Variants in ME3 observed in about 807,000 individuals in gnomAD.
The protein encoded by ME3 is NADP-dependent malic enzyme, mitochondrial.
In ME3, 48 loss-of-function variants were observed where a neutral mutation model predicts 68.9. The ratio of observed to expected loss-of-function variants is 0.70; its 90% CI spans 0.55 to 0.89. The LOEUF is 0.89. ME3 is among the 40% of genes least tolerant of loss of function. ME3 has a pLI of 0.00. For synonymous variants in ME3, 320 were observed against 318.8 expected, an observed-to-expected ratio of 1.00 and a Z score of -0.04; for missense variants, 675 against 797.4, an observed-to-expected ratio of 0.85 and a Z score of 1.85.
intron 2 of ME3, among the ~76,000 whole-genome samples, chr11:86,564,459 C>G (rs1169943105): frequency 3.9e-5 from 1 of 25,872 alleles, no homozygotes; most frequent in South Asian, 2.1e-3. Flanking sequence ...TACAAAGCTA[C>G]AGGAAAAAAA....
intron 2 of ME3, among the ~76,000 whole-genome samples, chr11:86,601,529 G>C (rs1439999214): frequency 6.6e-6 from 1 of 152,094 alleles, no homozygotes; most frequent in Non-Finnish European, 1.5e-5. Flanking sequence ...GAGGTACAAG[G>C]AGGAACTGGT....
At chr11:86,666,600 T>C (rs1404989218) in intron 2 of ME3, among the ~76,000 whole-genome samples, 1 of 152,232 alleles carries the variant, frequency 6.6e-6, no homozygotes, top group Non-Finnish European at 1.5e-5. Flanking sequence ...GATTTCAACC[T>C]GCCTCTGCTA....
intron 4 of ME3, among the ~76,000 whole-genome samples, chr11:86,517,517 T>C (rs906116662): frequency 3.9e-5 from 6 of 152,168 alleles, no homozygotes; most frequent in South Asian, 2.1e-4. Context: ...TCAGTTCCAA[T>C]TTAATCAGAG....
intron 2 of ME3, among the ~76,000 whole-genome samples, chr11:86,658,342 C>G (rs546242959): frequency 1.3e-5 from 2 of 151,806 alleles, no homozygotes; most frequent in Non-Finnish European, 2.9e-5. Context: ...AGCCTGGTCT[C>G]GAACTCCTGA....
intron 2 of ME3, among the ~76,000 whole-genome samples, chr11:86,596,886 AGAT>A (rs1959570748): frequency 6.6e-6 from 1 of 152,106 alleles, no homozygotes; most frequent in East Asian, 1.9e-4. Flanking sequence ...ACCAGGTCAT[AGAT>A]GATGATGGGA....
intron 14 of ME3, among the ~76,000 whole-genome samples, chr11:86,442,583 T>C (rs2138578697): frequency 6.6e-6 from 1 of 152,214 alleles, no homozygotes; most frequent in African/African-American, 2.4e-5. Context: ...TGATGACCTT[T>C]CTGCTTGGTG....
At chr11:86,482,899 C>T (rs1951492355) in intron 7 of ME3, among the ~76,000 whole-genome samples, 3 of 152,118 alleles carry the variant, frequency 2.0e-5, no homozygotes, top group African/African-American at 7.2e-5. Flanking sequence ...AAGAATCACT[C>T]CAGCTGAGTC....
intron 10 of ME3, among the ~76,000 whole-genome samples, chr11:86,448,841 A>C (rs1248100669): frequency 6.6e-6 from 1 of 152,158 alleles, no homozygotes; most frequent in Non-Finnish European, 1.5e-5. Context: ...GATGCTTTTG[A>C]TGACTGCTTT....
intron 2 of ME3, among the ~76,000 whole-genome samples, chr11:86,573,039 A>T (rs944548253): frequency 6.6e-5 from 10 of 151,586 alleles, no homozygotes; most frequent in Non-Finnish European, 1.5e-4. Context: ...AGTGATGTTT[A>T]GCTTTTTCTC....
At chr11:86,500,889 C>T (rs1484955187) in intron 5 of ME3, among the ~76,000 whole-genome samples, 5 of 152,138 alleles carry the variant, frequency 3.3e-5, no homozygotes, top group African/African-American at 1.2e-4. Context: ...TACCACACAC[C>T]CTTCCTGTCT....
intron 2 of ME3, among the ~76,000 whole-genome samples, chr11:86,578,313 C>A (rs529228160): frequency 1.3e-5 from 2 of 152,178 alleles, no homozygotes; most frequent in South Asian, 4.1e-4. Context: ...CAGCAGAGAA[C>A]AAGGGAAGTA....
At chr11:86,626,305 G>A (rs1943660631) in intron 2 of ME3, among the ~76,000 whole-genome samples, 5 of 152,176 alleles carry the variant, frequency 3.3e-5, no homozygotes, top group Admixed American at 1.3e-4. Context: ...CTTCCTGAGC[G>A]ATTTCTGTGG....
At position 86,671,679 on chromosome 11, in the gene ME3, C is replaced by G. The variant is rs780260113; in HGVS notation, c.183+83G>C. The G allele has an allele frequency of 6.6e-5, 101 of 1,535,032 alleles. No homozygotes were observed. In the East Asian group the frequency reaches 2.6e-3, roughly 39 times the overall value. ...CGCTGGAAGGGCGCCCGGGAGGATCCTTTCTGGGTCCAGGGGGCGGGGCGC... is the reference window on the plus strand; with the variant it reads ...CGCTGGAAGGGCGCCCGGGAGGATCGTTTCTGGGTCCAGGGGGCGGGGCGC... On this transcript the variant is annotated intron_variant, in intron 2 of 14. Transcript: ENST00000543262.
At chr11:86,582,018 C>A (rs1271830369) in intron 2 of ME3, among the ~76,000 whole-genome samples, 2 of 152,260 alleles carry the variant, frequency 1.3e-5, no homozygotes, top group Non-Finnish European at 2.9e-5. Context: ...CCTTTTAGAA[C>A]TTCTGCCAGA....
chr11:86,653,718 T>G (rs1780813672), intron 2 of ME3, among the ~76,000 whole-genome samples: 1 of 152,154 alleles, frequency 6.6e-6, no homozygotes, highest in South Asian at 2.1e-4. Context: ...ATTCAAAAGC[T>G]AGCAGAAGGC....
intron 2 of ME3, among the ~76,000 whole-genome samples, chr11:86,611,615 G>T (rs971343954): frequency 7.5e-6 from 1 of 132,766 alleles, no homozygotes; most frequent in Non-Finnish European, 1.6e-5. Context: ...TGGGGGGGGG[G>T]GGAAGAAAAA....
chr11:86,569,663 C>G (rs1159391502), intron 2 of ME3, among the ~76,000 whole-genome samples: 2 of 152,156 alleles, frequency 1.3e-5, no homozygotes, highest in Non-Finnish European at 2.9e-5. Flanking sequence ...TGGATACCCA[C>G]TAGGTTGGGT....
intron 5 of ME3, among the ~76,000 whole-genome samples, chr11:86,507,406 C>T (rs1953164767): frequency 6.6e-6 from 1 of 152,130 alleles, no homozygotes; most frequent in Non-Finnish European, 1.5e-5. Context: ...AGTACCATGG[C>T]CTCCCAGGCA....
intron 7 of ME3, among the ~76,000 whole-genome samples, chr11:86,478,324 C>CAAAAAA (rs57349808): frequency 6.4e-5 from 4 of 62,874 alleles, no homozygotes; most frequent in Admixed American, 2.0e-4. Context: ...GCCTAAGGAC[C>CAAAAAA]AAAAAAAAAA....
Sources: allele counts gnomAD v4.1 joint callset (sites outside exome capture counted in the v4.1 genomes callset), GRCh38; gene constraint gnomAD v4.1.1; transcripts MANE v1.5; gene names NCBI Gene and HGNC (gene_info 2026-07-23, HGNC 2026-07-21).